Variants in ICA1 observed in about 807,000 individuals in gnomAD.
ICA1 encodes islet cell autoantigen 1.
Under a neutral mutation model 71.0 loss-of-function variants are expected in ICA1, and 40 were observed. That is an observed-to-expected ratio of 0.56 (90% confidence interval 0.44 to 0.73). ICA1 has a LOEUF of 0.73. Among genes scored for constraint, ICA1 ranks in the 30% least tolerant of loss-of-function variants. The pLI, the probability that ICA1 is intolerant of heterozygous loss-of-function variation, is 0.00. For missense variants in ICA1, 578 were observed against 576.5 expected (o/e 1.00, Z -0.03); for synonymous variants, 207 against 209.5 (o/e 0.99, Z 0.10).
At chr7:8,149,809 G>A (rs1016194449) in intron 8 of ICA1, among the ~76,000 whole-genome samples, 1 of 152,198 alleles carries the variant, frequency 6.6e-6, no homozygotes, top group Non-Finnish European at 1.5e-5. Context: ...AAATAGTGGG[G>A]CATGTTTAAA....
intron 6 of ICA1, among the ~76,000 whole-genome samples, chr7:8,180,965 T>C (rs1051943804): frequency 2.0e-5 from 3 of 152,098 alleles, no homozygotes; most frequent in Non-Finnish European, 4.4e-5. Context: ...TGGTGTTTTT[T>C]AATGAAAAGA....
At chr7:8,228,266 T>C (rs1295504782) in intron 4 of ICA1, among the ~76,000 whole-genome samples, 2 of 151,508 alleles carry the variant, frequency 1.3e-5, no homozygotes, top group African/African-American at 2.4e-5. Flanking sequence ...AGGAACAAAA[T>C]TGGATATCAG....
intron 1 of ICA1, among the ~76,000 whole-genome samples, chr7:8,250,292 G>GA (rs1273979272): frequency 6.6e-6 from 1 of 152,004 alleles, no homozygotes; most frequent in Admixed American, 6.6e-5. Context: ...TAGAAGCAGT[G>GA]AAAAAAACTG....
intron 6 of ICA1, among the ~76,000 whole-genome samples, chr7:8,200,569 A>T (rs189542132): frequency 6.6e-6 from 1 of 152,268 alleles, no homozygotes; most frequent in East Asian, 1.9e-4. Context: ...GTGAAGGTTG[A>T]CAAGTATGGA....
At chr7:8,193,047 A>C (rs929436061) in intron 6 of ICA1, among the ~76,000 whole-genome samples, 1 of 152,210 alleles carries the variant, frequency 6.6e-6, no homozygotes, top group African/African-American at 2.4e-5. Flanking sequence ...GTATGTAGAA[A>C]CAAAGATCTG....
intron 6 of ICA1, among the ~76,000 whole-genome samples, chr7:8,188,909 A>T (rs1285876694): frequency 6.6e-6 from 1 of 152,202 alleles, no homozygotes; most frequent in Non-Finnish European, 1.5e-5. Context: ...TTCCTTGATG[A>T]GGCCAGGGGA....
chr7:8,141,793 G>C lies in ICA1; in HGVS notation c.927C>G (p.Asn309Lys). 6.4e-7 allele frequency: 1 copy of C among 1,570,236 alleles called. No homozygotes were observed. Among genetic ancestry groups the C allele is most frequent in the South Asian group, 1.2e-5 (1 of 86,872 alleles). The change falls in exon 10 of 14, where the codon AAC becomes AAG. Residue 309 changes from asparagine (N) to lysine (K), a missense_variant. Transcript: ENST00000402384. The stretch of plus-strand genomic sequence containing the variant: ...TAAAACTAGAGGATTCCTTGCGCTG[G>C]TTTTCTTCCTCTAATGAAATTAATC... ...PSQLISLEEE[N>K]QRKESSSFKT...
intron 6 of ICA1, among the ~76,000 whole-genome samples, chr7:8,162,786 T>C (rs1413098067): frequency 6.6e-6 from 1 of 152,164 alleles, no homozygotes; most frequent in East Asian, 1.9e-4. Context: ...TATTTAGAGA[T>C]GGAGTCTCGC....
rs182627614 is a variant in ICA1, at chr7:8,175,837, G to C, written c.580-17185C>G. Among the ~76,000 whole-genome samples, 15 of 152,200 alleles carry C rather than the reference G, an allele frequency of 9.9e-5. No individual in the cohort carries two copies. In the East Asian group the frequency reaches 1.9e-3, roughly 20 times the overall value. On this transcript the variant is annotated intron_variant, in intron 6 of 13. Coordinates refer to ENST00000402384, the MANE Select transcript of ICA1 (RefSeq NM_001136020.3). The stretch of plus-strand genomic sequence containing the variant: ...AAAATCTCAAAATAATTATCTCAAC[G>C]ATGATTCAGGAGAATTGGGCACTCC...
chr7:8,233,728 T>TA (rs1335171852), intron 2 of ICA1, among the ~76,000 whole-genome samples: 1 of 152,128 alleles, frequency 6.6e-6, no homozygotes, highest in Admixed American at 6.6e-5. Context: ...TACTGTATTG[T>TA]GCACCTAAAA....
At chr7:8,249,222 C>A (rs1024193115) in intron 1 of ICA1, among the ~76,000 whole-genome samples, 4 of 152,200 alleles carry the variant, frequency 2.6e-5, no homozygotes, top group Admixed American at 6.5e-5. Context: ...CCCACACAGC[C>A]TCTGGGCTGA....
intron 1 of ICA1, among the ~76,000 whole-genome samples, chr7:8,241,945 A>G (rs1192239724): frequency 6.6e-6 from 1 of 152,202 alleles, no homozygotes; most frequent in Non-Finnish European, 1.5e-5. Context: ...AAAGAGACTT[A>G]GACTCCCACA....
At chr7:8,149,853 GTGT>G (rs1798210528) in intron 8 of ICA1, among the ~76,000 whole-genome samples, 1 of 152,182 alleles carries the variant, frequency 6.6e-6, no homozygotes, top group African/African-American at 2.4e-5. Context: ...GTGTATGTGT[GTGT>G]TTATACAATT....
chr7:8,123,836 G>C lies in ICA1; in HGVS notation c.1330+4037C>G, dbSNP rs1275584461. On this transcript the variant is annotated intron_variant, in intron 13 of 13. Transcript: ENST00000402384. This position sits in a 1 kb window ranked among gnomAD's most constrained non-coding sequence, Gnocchi z 4.1. ...TACTGAGAGGCCAGAGAAGGGAATG[G>C]TGAAAGGCATGGATTCTGGAGTCCG... Among the ~76,000 whole-genome samples the C allele has an allele frequency of 1.3e-5, 2 of 152,230 alleles. No homozygotes were observed. Among genetic ancestry groups the C allele is most frequent in the Non-Finnish European group, 2.9e-5 (2 of 68,050 alleles).
Position 8,228,759 on chromosome 7 carries a change from C to A in ICA1, c.184-86G>T. ...TTACATTGAACACAACCAGAGTGTT[C>A]AATTTGCCAAAAACAAGACCACATG... On this transcript the variant is annotated intron_variant, in intron 3 of 13. Coordinates refer to ENST00000402384, the MANE Select transcript of ICA1 (RefSeq NM_001136020.3). The A allele has an allele frequency of 3.6e-6, 3 of 844,438 alleles. No individual in the cohort carries two copies. The South Asian group carries it at 5.5e-5, about 15-fold the overall frequency. The allele number at this position is 844,438 out of a possible 1,614,324, so 52.3% of individuals were successfully genotyped here. A position where few individuals can be genotyped will look rare whatever the true frequency, so the allele number is the denominator to read the frequency against.
At chr7:8,219,279 TGTCA>T (rs1563062128) in intron 5 of ICA1, among the ~76,000 whole-genome samples, 1 of 152,204 alleles carries the variant, frequency 6.6e-6, no homozygotes, top group African/African-American at 2.4e-5. Context: ...AAATGAGCAA[TGTCA>T]GATGAATTAT....
intron 6 of ICA1, among the ~76,000 whole-genome samples, chr7:8,212,141 C>T (rs1448525724): frequency 6.6e-6 from 1 of 152,116 alleles, no homozygotes; most frequent in Non-Finnish European, 1.5e-5. Flanking sequence ...GCAACAGCAA[C>T]AAGAGCAAGC....
At chr7:8,127,175 G>C (rs150610796) in intron 13 of ICA1, among the ~76,000 whole-genome samples, 1 of 146,366 alleles carries the variant, frequency 6.8e-6, no homozygotes, top group Non-Finnish European at 1.5e-5. Context: ...ATTTTTAGTA[G>C]AGACAGGCTT....
intron 8 of ICA1, among the ~76,000 whole-genome samples, chr7:8,152,000 T>C (rs541481869): frequency 2.6e-4 from 40 of 152,328 alleles, no homozygotes; most frequent in South Asian, 6.2e-4. Flanking sequence ...TAAAGCCAAA[T>C]TGCATTTTTT....
Sources: gnomAD v4.1 joint callset for allele counts (sites outside exome capture counted in the v4.1 genomes callset) on GRCh38, gnomAD v4.1.1 for gene constraint, Gnocchi (gnomAD v3.1) non-coding constraint, MANE v1.5 for transcripts, NCBI Gene and HGNC (gene_info 2026-07-23, HGNC 2026-07-21) for gene names.